The following NR1H4 variants were observed in gnomAD, a reference collection of about 807,000 sequenced individuals.
NR1H4 encodes the protein nuclear receptor subfamily 1 group H member 4.
Under a neutral mutation model 58.5 loss-of-function variants are expected in NR1H4, and 23 were observed. That is an observed-to-expected ratio of 0.39 (90% CI 0.28 to 0.56). The LOEUF (loss-of-function observed/expected upper bound fraction) is 0.56. Ranked by LOEUF, NR1H4 falls within the 20% of genes least tolerant of loss-of-function variation. The probability of loss-of-function intolerance (pLI) is 0.58; values close to 1 mark genes in which losing one functional copy is unlikely to be tolerated. For missense variants in NR1H4, 487 were observed against 576.9 expected (o/e 0.84, Z 1.60); for synonymous variants, 214 against 198.0 (o/e 1.08, Z -0.68).
At chr12:100,509,350 C>T (rs980180384) in intron 3 of NR1H4, among the ~76,000 whole-genome samples, 1 of 152,064 alleles carries the variant, frequency 6.6e-6, no homozygotes, top group African/African-American at 2.4e-5. Context: ...TTCTAAAGAG[C>T]CATAGTTGAT....
In NR1H4 at chr12:100,511,019, T is replaced by C. The variant is rs1954099929; in HGVS notation, c.321T>C (p.Pro107=). The C allele has an allele frequency of 6.2e-7, 1 of 1,614,222 alleles. No individual in the cohort carries two copies. Among genetic ancestry groups the C allele is most frequent in the Non-Finnish European group, 8.5e-7 (1 of 1,180,038 alleles). The change falls in exon 4 of 11, where the codon CCT becomes CCC. Residue 107 remains proline, a synonymous_variant. Transcript: ENST00000392986. The part of the protein sequence containing the change: ...YQGETEVAEM[P]VTKKPRMGAS... ...GAGAAACTGAGGTAGCAGAGATGCC[T>C]GTAACAAAGAAGCCCCGCATGGGCG... is the stretch of plus-strand genomic sequence containing the variant.
At chr12:100,490,366 A>G (rs1484545073) in intron 1 of NR1H4, among the ~76,000 whole-genome samples, 1 of 152,220 alleles carries the variant, frequency 6.6e-6, no homozygotes, top group Non-Finnish European at 1.5e-5. Context: ...ATGTGAGACA[A>G]GGAGAGCACA....
At chr12:100,548,592 G>A (rs950683476) in intron 9 of NR1H4, among the ~76,000 whole-genome samples, 1 of 152,028 alleles carries the variant, frequency 6.6e-6, no homozygotes, top group African/African-American at 2.4e-5. Context: ...TGCCTGTAGG[G>A]CAACTATCCG....
intron 3 of NR1H4, among the ~76,000 whole-genome samples, chr12:100,509,933 AC>A (rs1954064696): frequency 6.6e-6 from 1 of 152,236 alleles, no homozygotes; most frequent in Admixed American, 6.5e-5. Context: ...ACACACACAC[AC>A]ACACACAGAG....
chr12:100,563,737 A>ATTGATTGTTACTTCAATTCTATC lies in NR1H4; in HGVS notation c.*250_*272dup. On this transcript the variant is annotated 3_prime_UTR_variant, in exon 11 of 11. Coordinates refer to ENST00000392986, the MANE Select transcript of NR1H4 (RefSeq NM_001206979.2). ...TGGCAAGCCCTGTTTGCCTAATTAA[A>ATTGATTGTTACTTCAATTCTATC]TTGATTGTTACTTCAATTCTATCTG... The ATTGATTGTTACTTCAATTCTATC allele has an allele frequency of 2.0e-6, 1 of 488,226 alleles. No homozygotes were observed. 30.2% of individuals were successfully genotyped at this position (488,226 alleles called of 1,614,324 possible).
intron 9 of NR1H4, among the ~76,000 whole-genome samples, chr12:100,547,953 C>T (rs1393463323): frequency 1.3e-5 from 2 of 151,098 alleles, no homozygotes; most frequent in Non-Finnish European, 3.0e-5. Flanking sequence ...ATCTCCTGAC[C>T]TCATGATTCG....
In NR1H4 at chr12:100,501,393, A is replaced by T. The variant is rs748672181; in HGVS notation, c.79+7991A>T. On this transcript the variant is annotated intron_variant, in intron 3 of 10. Transcript: ENST00000392986. ...ACCCCGATCAAGCAATTCAAACTGA[A>T]ATATACCCATAGACCACCACTCTTT... Among the ~76,000 whole-genome samples the T allele has an allele frequency of 4.9e-4, 75 of 152,098 alleles. 2 individuals are homozygous for T. The highest frequency in any genetic ancestry group is 1.3e-4 in the Non-Finnish European group (9 of 68,016).
In NR1H4 at chr12:100,492,971, A is replaced by G. The variant is rs550223633; in HGVS notation, c.-54-299A>G. Among the ~76,000 whole-genome samples the G allele has an allele frequency of 4.8e-4, 73 of 152,300 alleles. 1 individual carries two copies. The highest frequency in any genetic ancestry group is 1.2e-3 in the South Asian group (6 of 4,822). On this transcript the variant is annotated intron_variant, in intron 2 of 10. Coordinates refer to ENST00000392986, the MANE Select transcript of NR1H4 (RefSeq NM_001206979.2). ...TTTTTTCTAATAAAGACATAGTCAA[A>G]ATGTCATCATATCTTGCCCAAATCT...
At chr12:100,502,882 C>T (rs1255180300) in intron 3 of NR1H4, among the ~76,000 whole-genome samples, 1 of 152,284 alleles carries the variant, frequency 6.6e-6, no homozygotes, top group African/African-American at 2.4e-5. Flanking sequence ...GAGACTTACT[C>T]ACTACCACGA....
intron 9 of NR1H4, among the ~76,000 whole-genome samples, chr12:100,549,777 G>C (rs1355477907): frequency 6.6e-6 from 1 of 152,066 alleles, no homozygotes; most frequent in Non-Finnish European, 1.5e-5. Context: ...AAACTCACAT[G>C]CTGCTGCATA....
intron 3 of NR1H4, among the ~76,000 whole-genome samples, chr12:100,495,974 G>C (rs76349538): frequency 8.5e-5 from 13 of 152,084 alleles, no homozygotes; most frequent in African/African-American, 2.9e-4. Flanking sequence ...GTTCAGAAGG[G>C]TTAATCCATG....
chr12:100,482,745 G>A (rs1953407343), intron 1 of NR1H4, among the ~76,000 whole-genome samples: 1 of 152,138 alleles, frequency 6.6e-6, no homozygotes, highest in South Asian at 2.1e-4. Context: ...GAGGCACTGA[G>A]GGTGCAAAAT....
chr12:100,547,326 G>A (rs1307655964), intron 9 of NR1H4, among the ~76,000 whole-genome samples: 1 of 152,098 alleles, frequency 6.6e-6, no homozygotes, highest in Non-Finnish European at 1.5e-5. Flanking sequence ...AGAATTAGAT[G>A]CACACAGAGC....
chr12:100,525,695 G>T (rs2136210435), intron 4 of NR1H4, among the ~76,000 whole-genome samples: 1 of 152,304 alleles, frequency 6.6e-6, no homozygotes, highest in African/African-American at 2.4e-5. Context: ...TTCTGGAAAA[G>T]ATTGTACAGA....
At chr12:100,544,783 A>G (rs956972281) in intron 9 of NR1H4, among the ~76,000 whole-genome samples, 2 of 152,280 alleles carry the variant, frequency 1.3e-5, no homozygotes, top group East Asian at 3.9e-4. Flanking sequence ...CAGAGTTGTT[A>G]ATGTCCAAAG....
chr12:100,509,589 T>C (rs765961734), intron 3 of NR1H4, among the ~76,000 whole-genome samples: 6 of 152,196 alleles, frequency 3.9e-5, no homozygotes, highest in Non-Finnish European at 8.8e-5. Flanking sequence ...GTAGGTGTTA[T>C]TATTCTCTGT....
chr12:100,481,618 TAAA>T (rs200612979), intron 1 of NR1H4, among the ~76,000 whole-genome samples: 1 of 151,030 alleles, frequency 6.6e-6, no homozygotes, highest in African/African-American at 2.4e-5. Context: ...TACAAAAAAT[TAAA>T]AAAATTAGCT....
chr12:100,503,203 T>TC (rs1462859908), intron 3 of NR1H4, among the ~76,000 whole-genome samples: 3 of 152,032 alleles, frequency 2.0e-5, no homozygotes, highest in Non-Finnish European at 4.4e-5. Flanking sequence ...GGAAAAGTAC[T>TC]CCCCCAAAAT....
chr12:100,513,512 G>A (rs1159436151), intron 4 of NR1H4, among the ~76,000 whole-genome samples: 4 of 152,126 alleles, frequency 2.6e-5, no homozygotes, highest in African/African-American at 9.7e-5. Context: ...AAATAAAATA[G>A]GCCGGACGCT....
Sources: allele counts gnomAD v4.1 joint callset (sites outside exome capture counted in the v4.1 genomes callset), GRCh38; gene constraint gnomAD v4.1.1; transcripts MANE v1.5; gene names NCBI Gene and HGNC (gene_info 2026-07-23, HGNC 2026-07-21).